The following SPIDR variants were observed in gnomAD, a reference collection of about 807,000 sequenced individuals.
SPIDR encodes DNA repair-scaffolding protein.
In SPIDR, 93 loss-of-function variants were observed where a neutral mutation model predicts 104.6. The ratio of observed to expected loss-of-function variants is 0.89; its 90% CI spans 0.75 to 1.06. The LOEUF is 1.06. Ranked by LOEUF, SPIDR falls within the 50% of genes least tolerant of loss-of-function variation. The pLI, the probability that SPIDR is intolerant of heterozygous loss-of-function variation, is 0.00. For missense variants in SPIDR, 1,154 were observed against 1,111.2 expected (o/e 1.04, Z -0.55); for synonymous variants, 431 against 416.9 (o/e 1.03, Z -0.41).
At chr8:47,266,051 G>C (rs1337914635) in intron 1 of SPIDR, among the ~76,000 whole-genome samples, 1 of 150,162 alleles carries the variant, frequency 6.7e-6, no homozygotes, top group African/African-American at 2.5e-5. Flanking sequence ...TGCCCGGTCT[G>C]AAGTTTTTTT....
intron 8 of SPIDR, among the ~76,000 whole-genome samples, chr8:47,594,903 C>T (rs1588179978): frequency 6.6e-6 from 1 of 151,818 alleles, no homozygotes; most frequent in African/African-American, 2.4e-5. Context: ...GGCTGAGGCA[C>T]GAGAATTATT....
At chr8:47,354,246 A>T (rs1200408709) in intron 5 of SPIDR, among the ~76,000 whole-genome samples, 19 of 152,198 alleles carry the variant, frequency 1.2e-4, no homozygotes, top group Non-Finnish European at 2.4e-4. Context: ...ATAGTGTTTG[A>T]TAAGGTGTAT....
chr8:47,729,671 AG>A, intron 19 of SPIDR: 2 of 584,396 alleles, frequency 3.4e-6, no homozygotes, highest in East Asian at 5.9e-5. Context: ...AGGTTATTTT[AG>A]ATCATTGTTG....
intron 1 of SPIDR, among the ~76,000 whole-genome samples, chr8:47,273,482 G>A (rs986406519): frequency 2.6e-5 from 4 of 152,182 alleles, no homozygotes; most frequent in African/African-American, 9.7e-5. Context: ...GGCAGGTGGC[G>A]TGCTTGAAGC....
In SPIDR at chr8:47,562,860, A is replaced by G. The variant is rs541547719; in HGVS notation, c.1098-32951A>G. Among the ~76,000 whole-genome samples the G allele has an allele frequency of 5.2e-4, 79 of 152,122 alleles. 1 individual carries two copies. In the South Asian group the frequency reaches 7.3e-3, roughly 14 times the overall value. ...TTCACCCCTCCAGCTTCTCTTACTC[A>G]TCCAGCCTGAATGCACGTTCAGTCT... is the stretch of plus-strand genomic sequence containing the variant. On this transcript the variant is annotated intron_variant, in intron 8 of 19. Transcript: ENST00000297423.
At chr8:47,503,578 G>A (rs1009840728) in intron 8 of SPIDR, among the ~76,000 whole-genome samples, 4 of 152,006 alleles carry the variant, frequency 2.6e-5, no homozygotes, top group Non-Finnish European at 4.4e-5. Context: ...GATGGGTCTC[G>A]ACTCTATCCA....
At chr8:47,274,749 T>C (rs1013521667) in intron 1 of SPIDR, among the ~76,000 whole-genome samples, 104 of 151,748 alleles carry the variant, frequency 6.9e-4, no homozygotes, top group African/African-American at 2.2e-3. Flanking sequence ...CTAATTTTTG[T>C]ATTTTTAGTA....
At chr8:47,358,985 G>C (rs1368846305) in intron 5 of SPIDR, among the ~76,000 whole-genome samples, 3 of 151,974 alleles carry the variant, frequency 2.0e-5, no homozygotes, top group Admixed American at 6.6e-5. Flanking sequence ...TGTACAGTTT[G>C]TTTTCATGTT....
intron 1 of SPIDR, among the ~76,000 whole-genome samples, chr8:47,269,271 C>A (rs1394922032): frequency 2.0e-5 from 3 of 150,454 alleles, no homozygotes; most frequent in Non-Finnish European, 4.4e-5. Flanking sequence ...TCTTTTTTTC[C>A]CCCCAAGACA....
At chr8:47,537,060 A>C (rs759444209) in intron 8 of SPIDR, among the ~76,000 whole-genome samples, 5 of 152,234 alleles carry the variant, frequency 3.3e-5, no homozygotes, top group Non-Finnish European at 7.3e-5. Flanking sequence ...AAAACACACA[A>C]CACCAAATGT....
intron 8 of SPIDR, among the ~76,000 whole-genome samples, chr8:47,587,352 G>A (rs1448466152): frequency 1.3e-5 from 2 of 151,942 alleles, no homozygotes; most frequent in South Asian, 4.1e-4. Context: ...GCGCACAGGG[G>A]CCTATTTCTG....
chr8:47,494,463 T>C (rs1017512032), intron 8 of SPIDR, among the ~76,000 whole-genome samples: 1 of 152,166 alleles, frequency 6.6e-6, no homozygotes, highest in African/African-American at 2.4e-5. Flanking sequence ...GAAATAAATA[T>C]TAGTGTAAAT....
chr8:47,390,551 G>A (rs1463990859), intron 5 of SPIDR, among the ~76,000 whole-genome samples: 1 of 149,966 alleles, frequency 6.7e-6, no homozygotes, highest in Non-Finnish European at 1.5e-5. Context: ...AGGAGAACAG[G>A]CATAGAAAGA....
At chr8:47,293,290 G>GA in intron 4 of SPIDR, among the ~76,000 whole-genome samples, 1 of 151,878 alleles carries the variant, frequency 6.6e-6, no homozygotes. Flanking sequence ...AAGAAAGGAG[G>GA]AAAAAAATAA....
chr8:47,563,972 T>TC (rs1443302109), intron 8 of SPIDR, among the ~76,000 whole-genome samples: 3 of 152,262 alleles, frequency 2.0e-5, no homozygotes, highest in Admixed American at 6.5e-5. Flanking sequence ...TAGTAAAACT[T>TC]ATAAAGTGTG....
chr8:47,592,750 G>A (rs111270929), intron 8 of SPIDR: 5 of 493,750 alleles, frequency 1.0e-5, no homozygotes, highest in African/African-American at 7.7e-5. Flanking sequence ...CTCAGACAAT[G>A]TTATAATTTT....
chr8:47,516,582 CCA>C (rs2083189728), intron 8 of SPIDR, among the ~76,000 whole-genome samples: 1 of 152,146 alleles, frequency 6.6e-6, no homozygotes, highest in African/African-American at 2.4e-5. Flanking sequence ...CAAAGTTCAT[CCA>C]CGTTATGTGT....
chr8:47,631,521 G>T (rs1471840554), intron 10 of SPIDR, among the ~76,000 whole-genome samples: 1 of 152,160 alleles, frequency 6.6e-6, no homozygotes, highest in African/African-American at 2.4e-5. Context: ...ACACAGAAAA[G>T]TACTGGATTT....
At chr8:47,444,720 G>T (rs1405902345) in intron 8 of SPIDR, among the ~76,000 whole-genome samples, 1 of 152,106 alleles carries the variant, frequency 6.6e-6, no homozygotes, top group Non-Finnish European at 1.5e-5. Flanking sequence ...ATACCAGTGG[G>T]TTTTGAGCCT....
Sources: allele counts gnomAD v4.1 joint callset (sites outside exome capture counted in the v4.1 genomes callset), GRCh38; gene constraint gnomAD v4.1.1; transcripts MANE v1.5; gene names NCBI Gene and HGNC (gene_info 2026-07-23, HGNC 2026-07-21).